The following PLEKHA8 variants were observed in gnomAD, a reference collection of about 807,000 sequenced individuals.
The protein encoded by PLEKHA8 is pleckstrin homology domain containing A8, also known as pleckstrin homology domain-containing family A member 8.
Under a neutral mutation model 68.2 loss-of-function variants are expected in PLEKHA8, and 36 were observed. The observed-to-expected ratio is 0.53, with a 90% CI of 0.40 to 0.70. The LOEUF (loss-of-function observed/expected upper bound fraction) is 0.70, where lower values mean the gene tolerates loss of function less well. Ranked by LOEUF, PLEKHA8 falls within the 30% of genes least tolerant of loss-of-function variation. The pLI, the probability that PLEKHA8 is intolerant of heterozygous loss-of-function variation, is 0.00. For missense variants in PLEKHA8, 505 were observed against 615.4 expected, an observed-to-expected ratio of 0.82 and a Z score of 1.90; for synonymous variants, 211 against 216.1, an observed-to-expected ratio of 0.98 and a Z score of 0.20.
intron 13 of PLEKHA8, among the ~76,000 whole-genome samples, chr7:30,125,887 A>T (rs1796764158): frequency 6.6e-6 from 1 of 152,132 alleles, no homozygotes. Context: ...AAACTTAATT[A>T]TTATCCTTAG....
At chr7:30,123,768 T>C (rs1279460679) in intron 13 of PLEKHA8, among the ~76,000 whole-genome samples, 4 of 152,128 alleles carry the variant, frequency 2.6e-5, no homozygotes, top group Admixed American at 2.6e-4. Flanking sequence ...TGGAGAGAGA[T>C]AGATGTCCGA....
At chr7:30,042,686 T>A (rs2127968455) in intron 1 of PLEKHA8, among the ~76,000 whole-genome samples, 1 of 152,350 alleles carries the variant, frequency 6.6e-6, no homozygotes, top group East Asian at 1.9e-4. Context: ...TCACTTAATT[T>A]ACCTGGGATT....
intron 1 of PLEKHA8, among the ~76,000 whole-genome samples, chr7:30,035,957 A>C (rs1583768563): frequency 6.6e-6 from 1 of 151,952 alleles, no homozygotes; most frequent in East Asian, 2.0e-4. Context: ...TATATTCTTA[A>C]TTAAAATTCC....
At chr7:30,066,304 A>G (rs1793841928) in intron 12 of PLEKHA8, among the ~76,000 whole-genome samples, 1 of 152,212 alleles carries the variant, frequency 6.6e-6, no homozygotes, top group Admixed American at 6.5e-5. Flanking sequence ...CCTAAATAAC[A>G]TTGTAGAAGC....
chr7:30,056,928 A>G (rs1793035647), intron 9 of PLEKHA8, among the ~76,000 whole-genome samples: 1 of 147,292 alleles, frequency 6.8e-6, no homozygotes, highest in Admixed American at 6.8e-5. Flanking sequence ...TTTATATATT[A>G]TATATAATAT....
In PLEKHA8 at chr7:30,083,431, G is replaced by T. The variant is rs1199109718; in HGVS notation, c.*4644G>T. On this transcript the variant is annotated 3_prime_UTR_variant, in exon 14 of 14. Coordinates refer to ENST00000449726, the MANE Select transcript of PLEKHA8 (RefSeq NM_001197026.2). Reference sequence around the variant, plus strand: ...AATTCCATAAATATACTGTTTACTAGACCTTCCCTGTAAATGTTCCCAATT... The same window carrying T: ...AATTCCATAAATATACTGTTTACTATACCTTCCCTGTAAATGTTCCCAATT... 1.4e-5 allele frequency: 14 copies of T among 985,038 alleles called. 1 individual carries two copies. The South Asian group carries it at 5.6e-4, about 40-fold the overall frequency. The allele number at this position is 985,038 out of a possible 1,614,324, so 61.0% of individuals were successfully genotyped here. A position where few individuals can be genotyped will look rare whatever the true frequency, so the allele number is the denominator to read the frequency against.
At chr7:30,060,747 G>A in intron 9 of PLEKHA8, 137 bp from the exon 10 acceptor site, 1 of 682,022 alleles carries the variant, frequency 1.5e-6, no homozygotes, top group Non-Finnish European at 2.5e-6. Flanking sequence ...AGCTTTTGAA[G>A]ATTATGTTTA....
At chr7:30,076,441 C>T (rs1453791197) in intron 13 of PLEKHA8, among the ~76,000 whole-genome samples, 4 of 152,064 alleles carry the variant, frequency 2.6e-5, no homozygotes, top group African/African-American at 9.7e-5. Context: ...ACTGCTATGT[C>T]GAATACTAAG....
At chr7:30,042,493 G>A (rs1367361004) in intron 1 of PLEKHA8, among the ~76,000 whole-genome samples, 1 of 152,192 alleles carries the variant, frequency 6.6e-6, no homozygotes, top group East Asian at 1.9e-4. Context: ...AGCATCATGG[G>A]AGTTGAGCTG....
intron 7 of PLEKHA8, 75 bp downstream of exon 7, chr7:30,052,941 G>A: frequency 7.9e-7 from 1 of 1,264,148 alleles, no homozygotes; most frequent in Non-Finnish European, 1.1e-6. Flanking sequence ...GAATATCCAT[G>A]ATAGGGATTA....
At chr7:30,049,589 A>C in intron 5 of PLEKHA8, 1 of 587,518 alleles carries the variant, frequency 1.7e-6, no homozygotes, top group Non-Finnish European at 2.8e-6. Context: ...CATGTTTCTA[A>C]TGTAGCCTCT....
At chr7:30,038,409 C>G (rs905217052) in intron 1 of PLEKHA8, among the ~76,000 whole-genome samples, 3 of 152,124 alleles carry the variant, frequency 2.0e-5, no homozygotes, top group Non-Finnish European at 4.4e-5. Flanking sequence ...TTAAACAGTA[C>G]ACTTCAGAGT....
At chr7:30,057,019 T>C (rs1357137051) in intron 9 of PLEKHA8, among the ~76,000 whole-genome samples, 2 of 151,242 alleles carry the variant, frequency 1.3e-5, no homozygotes, top group Non-Finnish European at 2.9e-5. Context: ...CAATGGCTAA[T>C]GTGTTGAAAT....
chr7:30,081,603 C>T lies in PLEKHA8; in HGVS notation c.*2816C>T. 1 of 985,266 alleles carries T rather than the reference C, an allele frequency of 1.0e-6. No homozygotes were observed. The highest frequency in any genetic ancestry group is 1.2e-6 in the Non-Finnish European group (1 of 829,798). 61.0% of individuals were successfully genotyped at this position (985,266 alleles called of 1,614,324 possible). Reference sequence around the variant, plus strand: ...ACAACTAAATTTACTTTCACCATTACTGTGAGAGGAGGTGAGAAAACTCTA... The same window carrying T: ...ACAACTAAATTTACTTTCACCATTATTGTGAGAGGAGGTGAGAAAACTCTA... On this transcript the variant is annotated 3_prime_UTR_variant, in exon 14 of 14. Coordinates refer to ENST00000449726, the MANE Select transcript of PLEKHA8 (RefSeq NM_001197026.2).
Position 30,047,910 on chromosome 7 carries a change from TAGATA to T in PLEKHA8, c.394_398del (p.Asp132AsnfsTer13), listed in dbSNP as rs777301384. 3 of 1,605,964 alleles carry T rather than the reference TAGATA, an allele frequency of 1.9e-6. No individual in the cohort carries two copies. The highest frequency in any genetic ancestry group is 2.6e-6 in the Non-Finnish European group (3 of 1,174,406). The stretch of plus-strand genomic sequence containing the variant: ...TACTGTGACCTCCTTGTTCAGCAAG[TAGATA>T]AAACAAAAGAAGTGACCACAACTGG... On this transcript the variant is annotated frameshift_variant, in exon 4 of 14. Transcript: ENST00000449726. LOFTEE classifies it high-confidence loss of function.
intron 12 of PLEKHA8, among the ~76,000 whole-genome samples, chr7:30,063,992 C>G (rs1164475766): frequency 6.6e-6 from 1 of 152,128 alleles, no homozygotes; most frequent in Admixed American, 6.5e-5. Context: ...ATTTCAAGTA[C>G]TAAAAGTATA....
At chr7:30,085,145 C>T (rs1795132055), downstream of PLEKHA8, among the ~76,000 whole-genome samples, 1 of 151,958 alleles carries the variant, frequency 6.6e-6, no homozygotes, top group African/African-American at 2.4e-5. Flanking sequence ...CACCATGTTG[C>T]CCAGGCTGGT....
chr7:30,116,342 G>A (rs1796561960), intron 13 of PLEKHA8, among the ~76,000 whole-genome samples: 1 of 151,486 alleles, frequency 6.6e-6, no homozygotes, highest in Non-Finnish European at 1.5e-5. Context: ...ATGTATATAT[G>A]TACTATATAA....
intron 12 of PLEKHA8, among the ~76,000 whole-genome samples, chr7:30,069,379 A>G (rs1794084743): frequency 6.6e-6 from 1 of 152,200 alleles, no homozygotes. Context: ...TAAGACTTAG[A>G]TTGACATTTC....
Sources: allele counts gnomAD v4.1 joint callset (sites outside exome capture counted in the v4.1 genomes callset), GRCh38; gene constraint gnomAD v4.1.1; transcripts MANE v1.5; gene names NCBI Gene and HGNC (gene_info 2026-07-23, HGNC 2026-07-21).